Variants in NELL1 observed in about 807,000 individuals in gnomAD.
NELL1 encodes protein kinase C-binding protein NELL1.
In NELL1, 76 loss-of-function variants were observed where a neutral mutation model predicts 107.4. The observed-to-expected ratio is 0.71, with a 90% confidence interval of 0.59 to 0.86. NELL1 has a LOEUF of 0.86. NELL1 is among the 40% of genes least tolerant of loss of function. NELL1 has a pLI of 0.00. For synonymous variants in NELL1, 353 were observed against 341.2 expected (o/e 1.03, Z -0.38); for missense variants, 1,024 against 1,005.5 (o/e 1.02, Z -0.25).
intron 3 of NELL1, among the ~76,000 whole-genome samples, chr11:20,812,965 A>C (rs12286694): frequency 0.63 from 85,606 of 136,774 alleles, 27,726 homozygotes; most frequent in East Asian, 0.88. Flanking sequence ...GCCGGGATTG[A>C]GCCACTGCAC....
chr11:21,080,447 T>C (rs1007369279), intron 12 of NELL1, among the ~76,000 whole-genome samples: 1 of 152,142 alleles, frequency 6.6e-6, no homozygotes, highest in Non-Finnish European at 1.5e-5. Flanking sequence ...ATATTATATA[T>C]TGTTAAATAC....
chr11:21,195,275 A>G (rs1181539272), intron 13 of NELL1, among the ~76,000 whole-genome samples: 1 of 152,188 alleles, frequency 6.6e-6, no homozygotes. Context: ...TCTGGTGTCC[A>G]ATGTCAAACC....
chr11:21,574,822 T>TA (rs1380177538), intron 19 of NELL1, 150 bp from the exon 20 acceptor site: 28 of 643,540 alleles, frequency 4.4e-5, no homozygotes, highest in Middle Eastern at 4.3e-4. Context: ...TTTCTCTAGT[T>TA]TTTTTCCTAG....
At chr11:21,432,997 C>T (rs540118340) in intron 15 of NELL1, among the ~76,000 whole-genome samples, 1 of 152,126 alleles carries the variant, frequency 6.6e-6, no homozygotes, top group Non-Finnish European at 1.5e-5. Context: ...ATTAACCAAC[C>T]TCTGCCTATC....
intron 4 of NELL1, among the ~76,000 whole-genome samples, chr11:20,857,109 A>G (rs530730888): frequency 6.6e-6 from 1 of 152,302 alleles, no homozygotes; most frequent in South Asian, 2.1e-4. Flanking sequence ...CTGTGCATAC[A>G]GCATGCATCC....
chr11:21,301,374 A>C (rs968811503), intron 14 of NELL1, among the ~76,000 whole-genome samples: 2 of 152,042 alleles, frequency 1.3e-5, no homozygotes, highest in Non-Finnish European at 2.9e-5. Context: ...GTGTAAAAGC[A>C]TTCCTATTTC....
chr11:21,153,960 C>T (rs1856176055), intron 13 of NELL1, among the ~76,000 whole-genome samples: 1 of 152,096 alleles, frequency 6.6e-6, no homozygotes, highest in African/African-American at 2.4e-5. Flanking sequence ...TTAAAATCCA[C>T]TAAAATTAAG....
chr11:20,681,088 A>G (rs924104830), intron 2 of NELL1, among the ~76,000 whole-genome samples: 1 of 152,110 alleles, frequency 6.6e-6, no homozygotes, highest in Non-Finnish European at 1.5e-5. Context: ...GCACTCTCAA[A>G]AAGTTGTTTA....
intron 12 of NELL1, among the ~76,000 whole-genome samples, chr11:21,012,273 G>A (rs959926468): frequency 6.6e-6 from 1 of 152,092 alleles, no homozygotes. Flanking sequence ...AACCTTGAGA[G>A]CATATGTTAG....
At chr11:20,966,406 G>A (rs769870477) in intron 12 of NELL1, among the ~76,000 whole-genome samples, 111 of 152,196 alleles carry the variant, frequency 7.3e-4, no homozygotes, top group Admixed American at 1.2e-3. Context: ...TTTTGGAGGG[G>A]ACAAACATTC....
In NELL1 at chr11:20,866,858, GA is replaced by G. The variant is rs140149991; in HGVS notation, c.507-18583del. 8.8e-3 allele frequency among the ~76,000 whole-genome samples: 1,335 copies of G among 152,288 alleles called. 13 individuals are homozygous for G. The highest frequency in any genetic ancestry group is 0.03 in the African/African-American group (1,241 of 41,550). The stretch of plus-strand genomic sequence containing the variant: ...ACCTGTAACCCTTGCCTCCAATAAG[GA>G]AATCAGCTCCTCGAACTTATTTTAA... On this transcript the variant is annotated intron_variant, in intron 4 of 19. Transcript: ENST00000357134.
At chr11:21,093,137 A>G (rs1224970369) in intron 12 of NELL1, among the ~76,000 whole-genome samples, 1 of 152,152 alleles carries the variant, frequency 6.6e-6, no homozygotes, top group East Asian at 1.9e-4. Flanking sequence ...TATTTCCATC[A>G]ACAGGCCAAT....
chr11:21,284,216 A>T (rs1433332169), intron 14 of NELL1: 2 of 456,762 alleles, frequency 4.4e-6, no homozygotes, highest in South Asian at 3.1e-5. Context: ...TCTCTATGCC[A>T]GTGTCATTCA....
chr11:21,427,293 G>A (rs1852846350), intron 15 of NELL1, among the ~76,000 whole-genome samples: 1 of 152,132 alleles, frequency 6.6e-6, no homozygotes, highest in Non-Finnish European at 1.5e-5. Context: ...AGGGGATTCT[G>A]GACTATGTAA....
At chr11:21,302,791 C>T (rs1229236269) in intron 14 of NELL1, among the ~76,000 whole-genome samples, 2 of 151,794 alleles carry the variant, frequency 1.3e-5, no homozygotes, top group African/African-American at 4.8e-5. Flanking sequence ...CACAGTGATT[C>T]ATGCCTGGAA....
intron 15 of NELL1, among the ~76,000 whole-genome samples, chr11:21,479,391 A>T (rs1255066986): frequency 6.6e-6 from 1 of 152,166 alleles, no homozygotes; most frequent in Non-Finnish European, 1.5e-5. Flanking sequence ...TTGCAACAAC[A>T]TGGATAGAAC....
intron 14 of NELL1, among the ~76,000 whole-genome samples, chr11:21,282,561 A>C (rs1195360949): frequency 6.6e-6 from 1 of 152,086 alleles, no homozygotes; most frequent in Admixed American, 6.6e-5. Flanking sequence ...GGGAACACCC[A>C]ACACTGTTGG....
chr11:20,837,330 G>T (rs1848549429), intron 3 of NELL1, among the ~76,000 whole-genome samples: 1 of 152,070 alleles, frequency 6.6e-6, no homozygotes, highest in African/African-American at 2.4e-5. Context: ...TAAGACATCA[G>T]TATGAATTCA....
chr11:20,904,509 T>G (rs1849950040), intron 5 of NELL1, among the ~76,000 whole-genome samples: 1 of 152,156 alleles, frequency 6.6e-6, no homozygotes, highest in South Asian at 2.1e-4. Flanking sequence ...GTAGATCATG[T>G]AAAGCAAAGA....
Sources: gnomAD v4.1 joint callset for allele counts (sites outside exome capture counted in the v4.1 genomes callset) on GRCh38, gnomAD v4.1.1 for gene constraint, MANE v1.5 for transcripts, NCBI Gene and HGNC (gene_info 2026-07-23, HGNC 2026-07-21) for gene names.